Variants in KAZN observed in about 807,000 individuals in gnomAD.
KAZN encodes kazrin.
A neutral mutation model predicts 87.4 loss-of-function variants in KAZN; 40 were observed. The observed-to-expected ratio is 0.46, with a 90% CI of 0.36 to 0.60. KAZN has a LOEUF of 0.60. KAZN is among the 20% of genes least tolerant of loss of function. KAZN has a pLI of 0.00. For synonymous variants in KAZN, 466 were observed against 458.3 expected, an observed-to-expected ratio of 1.02 and a Z score of -0.22; for missense variants, 898 against 1,073.9, an observed-to-expected ratio of 0.84 and a Z score of 2.29.
rs541660104 is a variant in KAZN, at chr1:14,489,250, A to C, written c.250-109733A>C. Among the ~76,000 whole-genome samples, 4 of 150,214 alleles carry C rather than the reference A, an allele frequency of 2.7e-5. No homozygotes were observed. In the East Asian group the frequency reaches 8.3e-4, roughly 31 times the overall value. ...AATTTGACTAGAGATAATCACGGGTAACATTTTGGGACTCTATATATCTAT... is the reference window on the plus strand; with the variant it reads ...AATTTGACTAGAGATAATCACGGGTCACATTTTGGGACTCTATATATCTAT... On this transcript the variant is annotated intron_variant, in intron 2 of 16. Coordinates refer to the KAZN transcript ENST00000636203.
At chr1:14,985,960 G>A (rs918026889) in intron 2 of KAZN, among the ~76,000 whole-genome samples, 7 of 130,050 alleles carry the variant, frequency 5.4e-5, no homozygotes, top group Admixed American at 9.3e-5. Context: ...CCAAGATCAC[G>A]CCACTGCACT....
chr1:13,943,835 A>G (rs1641033190), intron 1 of KAZN, among the ~76,000 whole-genome samples: 1 of 152,256 alleles, frequency 6.6e-6, no homozygotes, highest in South Asian at 2.1e-4. Flanking sequence ...TCACAATGGT[A>G]TACTATTTCA....
chr1:14,157,249 C>G (rs1026299463), intron 1 of KAZN, among the ~76,000 whole-genome samples: 9 of 152,090 alleles, frequency 5.9e-5, no homozygotes, highest in African/African-American at 2.2e-4. Context: ...ATTATTTAGT[C>G]TTTCTAATTA....
chr1:14,300,383 T>A (rs1362761481), intron 2 of KAZN, among the ~76,000 whole-genome samples: 3 of 152,030 alleles, frequency 2.0e-5, no homozygotes, highest in African/African-American at 7.2e-5. Context: ...AGGTGCTCAC[T>A]ACCATGCCCT....
In KAZN at chr1:14,598,883, C is replaced by A. The variant is rs1416887964; in HGVS notation, c.-115C>A. On this transcript the variant is annotated 5_prime_UTR_variant, in exon 1 of 15. Coordinates refer to ENST00000376030, the MANE Select transcript of KAZN (RefSeq NM_201628.3). This position sits in a 1 kb window ranked among gnomAD's most constrained non-coding sequence, Gnocchi z 4.2. ...CGGTGCCTGGGGGTCGGGGCGCGGG[C>A]GAAGCCGGGCCGCGGAGGACACAAC... 17 of 1,470,532 alleles carry A rather than the reference C, an allele frequency of 1.2e-5. No homozygotes were observed. The highest frequency in any genetic ancestry group is 1.5e-5 in the Non-Finnish European group (17 of 1,120,244). The allele number at this position is 1,470,532 out of a possible 1,614,324, so 91.1% of individuals were successfully genotyped here.
chr1:14,013,197 A>G (rs576798806), intron 1 of KAZN, among the ~76,000 whole-genome samples: 24 of 152,320 alleles, frequency 1.6e-4, no homozygotes, highest in African/African-American at 5.3e-4. Context: ...TTACCCCTCT[A>G]TGAATTTTCT....
chr1:14,825,342 C>T (rs1050704700), intron 1 of KAZN, among the ~76,000 whole-genome samples: 1 of 152,248 alleles, frequency 6.6e-6, no homozygotes, highest in African/African-American at 2.4e-5. Context: ...AAAATGCCAT[C>T]TCCATCACCG....
chr1:14,617,500 C>A (rs1678348811), intron 1 of KAZN, among the ~76,000 whole-genome samples: 1 of 152,084 alleles, frequency 6.6e-6, no homozygotes, highest in South Asian at 2.1e-4. Flanking sequence ...TTGTAAAAAA[C>A]AAAAACAAAA....
chr1:13,902,599 A>C (rs907824478), intron 1 of KAZN, among the ~76,000 whole-genome samples: 2 of 152,214 alleles, frequency 1.3e-5, no homozygotes, highest in Non-Finnish European at 2.9e-5. Context: ...GCAAAAATAC[A>C]GGTAGGTAGA....
At chr1:14,427,448 A>G (rs1665794528) in intron 2 of KAZN, among the ~76,000 whole-genome samples, 1 of 152,198 alleles carries the variant, frequency 6.6e-6, no homozygotes, top group Admixed American at 6.5e-5. Flanking sequence ...TGTAGAAGTT[A>G]TCCTACCTCA....
At chr1:14,649,650 C>T (rs1306923920) in intron 1 of KAZN, among the ~76,000 whole-genome samples, 1 of 152,138 alleles carries the variant, frequency 6.6e-6, no homozygotes, top group South Asian at 2.1e-4. Flanking sequence ...GACCAAATGT[C>T]AAGGCGACCA....
intron 1 of KAZN, among the ~76,000 whole-genome samples, chr1:14,603,442 T>C (rs1737859): frequency 0.82 from 124,219 of 152,112 alleles, 50,946 homozygotes; most frequent in African/African-American, 0.88. Flanking sequence ...AATTGTCATG[T>C]GTGGTCACAA....
intron 2 of KAZN, among the ~76,000 whole-genome samples, chr1:14,390,197 A>T (rs1662297514): frequency 6.6e-6 from 1 of 152,252 alleles, no homozygotes. Flanking sequence ...AGCCTCTACT[A>T]GGTGCTCAAC....
chr1:14,381,161 A>C (rs946299952), intron 2 of KAZN, among the ~76,000 whole-genome samples: 1 of 152,174 alleles, frequency 6.6e-6, no homozygotes, highest in Non-Finnish European at 1.5e-5. Context: ...AGAGTCAAAG[A>C]AGCTGACTAT....
intron 2 of KAZN, among the ~76,000 whole-genome samples, chr1:14,380,820 T>C (rs751028810): frequency 1.6e-4 from 25 of 152,112 alleles, no homozygotes; most frequent in African/African-American, 5.1e-4. Flanking sequence ...AAAGGGATAA[T>C]AACACAAAAC....
intron 1 of KAZN, among the ~76,000 whole-genome samples, chr1:14,088,903 A>G (rs1403202010): frequency 6.6e-6 from 1 of 151,348 alleles, no homozygotes; most frequent in Non-Finnish European, 1.5e-5. Context: ...TATCCCAGAT[A>G]ATATTCTCTG....
chr1:14,548,401 C>G (rs12035269), intron 2 of KAZN, among the ~76,000 whole-genome samples: 76,515 of 151,752 alleles, frequency 0.5, 19,649 homozygotes, highest in South Asian at 0.6. Flanking sequence ...CTTTTGCCAT[C>G]TTGCCCAGGC....
At chr1:14,262,871 G>A (rs1488752668) in intron 2 of KAZN, among the ~76,000 whole-genome samples, 2 of 152,200 alleles carry the variant, frequency 1.3e-5, no homozygotes, top group Non-Finnish European at 2.9e-5. Flanking sequence ...TGTTGAGAGA[G>A]GGGTGTTTTA....
intron 2 of KAZN, among the ~76,000 whole-genome samples, chr1:14,306,431 G>T (rs1654934500): frequency 6.6e-6 from 1 of 152,166 alleles, no homozygotes; most frequent in East Asian, 1.9e-4. Flanking sequence ...AGGCCACTTA[G>T]AAACTATGGA....
Sources: allele counts gnomAD v4.1 joint callset (sites outside exome capture counted in the v4.1 genomes callset), GRCh38; gene constraint gnomAD v4.1.1; non-coding constraint Gnocchi (gnomAD v3.1); transcripts MANE v1.5; gene names NCBI Gene and HGNC (gene_info 2026-07-23, HGNC 2026-07-21).